Variants in AGRN observed in about 807,000 individuals in gnomAD.
AGRN encodes the protein agrin.
In AGRN, 106 loss-of-function variants were observed where a neutral mutation model predicts 211.0. The observed-to-expected ratio is 0.50, with a 90% CI of 0.43 to 0.59. The LOEUF (loss-of-function observed/expected upper bound fraction) is 0.59. Ranked by LOEUF, AGRN falls within the 20% of genes least tolerant of loss-of-function variation. The probability of loss-of-function intolerance (pLI) is 0.00; values close to 1 mark genes in which losing one functional copy is unlikely to be tolerated. For synonymous variants in AGRN, 1,525 were observed against 1,332.5 expected (o/e 1.14, Z -3.15); for missense variants, 3,040 against 2,982.6 (o/e 1.02, Z -0.45).
At chr1:1,040,948 A>T (rs1570191444) in intron 4 of AGRN, 68 bp downstream of exon 4, 1 of 715,548 alleles carries the variant, frequency 1.4e-6, no homozygotes, top group Non-Finnish European at 1.8e-6. Flanking sequence ...CGAGGCTGGG[A>T]GGGGCTTCGG....
chr1:1,038,520 C>T (rs562828713), intron 3 of AGRN, among the ~76,000 whole-genome samples: 5 of 152,250 alleles, frequency 3.3e-5, no homozygotes, highest in South Asian at 4.1e-4. Flanking sequence ...AGCAGGACCT[C>T]GGGCTGGACT....
At chr1:1,030,532 C>CAT (rs1644641984) in intron 2 of AGRN, among the ~76,000 whole-genome samples, 1 of 96,368 alleles carries the variant, frequency 1.0e-5, no homozygotes, top group Non-Finnish European at 2.1e-5. Context: ...GTGAGATCAG[C>CAT]GTGTGTGTGT....
chr1:1,049,764 G>T lies in AGRN; in HGVS notation c.4713G>T (p.Arg1571Ser), dbSNP rs752191523. 1.0e-5 allele frequency: 16 copies of T among 1,585,284 alleles called. No homozygotes were observed. Among genetic ancestry groups the T allele is most frequent in the African/African-American group, 2.7e-5 (2 of 74,128 alleles). The change falls in exon 26 of 36, where the codon AGG becomes AGT. Residue 1571 changes from arginine (R) to serine (S), a missense_variant. Arg to Ser is a moderately radical substitution (Grantham distance 110). Coordinates refer to ENST00000379370, the MANE Select transcript of AGRN (RefSeq NM_198576.4). Reference sequence around the variant, plus strand: ...CATGCCAGAACCTGGAGGCTGGAAGGTTCCATTGCCAGTGCCCGCCCGGCC... The same window carrying T: ...CATGCCAGAACCTGGAGGCTGGAAGTTTCCATTGCCAGTGCCCGCCCGGCC... ...GAPCQNLEAG[R>S]FHCQCPPGRV...
intron 14 of AGRN, 56 bp downstream of exon 14, chr1:1,045,579 C>A (rs1035148211): frequency 1.3e-5 from 21 of 1,606,196 alleles, no homozygotes; most frequent in Non-Finnish European, 1.7e-5. Flanking sequence ...CTGTTCACCC[C>A]CATCACTGTG....
In AGRN at chr1:1,052,040, G is replaced by A. The variant is rs545759663; in HGVS notation, c.5651+225G>A. 5.4e-5 allele frequency: 81 copies of A among 1,504,276 alleles called. No homozygotes were observed. The East Asian group carries it at 6.5e-4, about 12-fold the overall frequency. 93.2% of individuals were successfully genotyped at this position (1,504,276 alleles called of 1,614,324 possible). On this transcript the variant is annotated intron_variant, in intron 33 of 35. Transcript: ENST00000379370. The stretch of plus-strand genomic sequence containing the variant: ...GTGTGAGTAGAGCTCGGCGCCCCCC[G>A]CTCCCTCTCACTCCCACTCCTCCAT...
chr1:1,037,774 T>TTG (rs1318099090), intron 3 of AGRN, among the ~76,000 whole-genome samples: 1 of 152,160 alleles, frequency 6.6e-6, no homozygotes, highest in Non-Finnish European at 1.5e-5. Context: ...GTGCTGGCAT[T>TTG]TCTAGCAGTG....
intron 19 of AGRN, 96 bp downstream of exon 19, chr1:1,047,053 A>T: frequency 6.5e-7 from 1 of 1,529,342 alleles, no homozygotes; most frequent in South Asian, 1.2e-5. Context: ...GCCGGGGGTT[A>T]TGGTCTTGGG....
At chr1:1,053,020 T>C (rs997749417) in intron 33 of AGRN, 2 of 195,040 alleles carry the variant, frequency 1.0e-5, no homozygotes, top group Non-Finnish European at 2.1e-5. Context: ...CACGTGTGTA[T>C]GTGTGTGAAC....
In AGRN at chr1:1,045,738, A is replaced by G. The variant is rs1645072442; in HGVS notation, c.2542A>G (p.Ser848Gly). 1 of 1,613,330 alleles carries G rather than the reference A, an allele frequency of 6.2e-7. No homozygotes were observed. Among genetic ancestry groups the G allele is most frequent in the African/African-American group, 1.3e-5 (1 of 75,024 alleles). The part of the protein sequence containing the change: ...TDGRSGCTPC[S>G]CDPQGAVRDD... Reference sequence around the variant, plus strand: ...CTCCCCGATTTTCCCCAAAGCCTGCAGCTGTGATCCCCAAGGCGCCGTGCG... The same window carrying G: ...CTCCCCGATTTTCCCCAAAGCCTGCGGCTGTGATCCCCAAGGCGCCGTGCG... The change falls in exon 15 of 36, where the codon AGC (serine) becomes GGC (glycine). Residue 848 changes from serine (S) to glycine (G), a missense_variant. Physicochemically the swap from Ser to Gly is moderately conservative, Grantham distance 56. Around this residue, in one of 3 missense-constraint regions of AGRN, gnomAD observed 1,498 missense variants for 1,457.8 expected, o/e 1.03. Transcript: ENST00000379370.
intron 2 of AGRN, chr1:1,035,053 G>C: frequency 1.6e-6 from 1 of 634,412 alleles, no homozygotes; most frequent in Non-Finnish European, 2.8e-6. Context: ...CAGGGGTCAG[G>C]CCATGACTAT....
intron 2 of AGRN, among the ~76,000 whole-genome samples, chr1:1,027,615 A>T (rs1159034674): frequency 1.3e-5 from 2 of 152,186 alleles, no homozygotes; most frequent in African/African-American, 4.8e-5. Flanking sequence ...AAGGTTTGAG[A>T]TGAAGGCATG....
rs1458193632 is a variant in AGRN at position 1,035,265 on chromosome 1, G to A, written c.464-12G>A. The A allele has an allele frequency of 6.2e-7, 1 of 1,612,856 alleles. No individual in the cohort carries two copies. Among genetic ancestry groups the A allele is most frequent in the South Asian group, 1.1e-5 (1 of 91,082 alleles). On this transcript the variant is annotated splice_polypyrimidine_tract_variant and intron_variant, in intron 2 of 35. Transcript: ENST00000379370. The stretch of plus-strand genomic sequence containing the variant: ...TCAGAGGAGCCTAACTTGGGGATTT[G>A]TTTTCTTCCAGATAAACCCGGGACC...
intron 3 of AGRN, among the ~76,000 whole-genome samples, chr1:1,037,575 G>A (rs889677710): frequency 2.6e-5 from 4 of 152,260 alleles, no homozygotes; most frequent in Non-Finnish European, 4.4e-5. Context: ...GTCACGCTGC[G>A]GGAGAGTGGG....
chr1:1,033,932 C>T lies in AGRN; in HGVS notation c.464-1345C>T, dbSNP rs945109858. Among the ~76,000 whole-genome samples, 9 of 151,800 alleles carry T rather than the reference C, an allele frequency of 5.9e-5. No individual in the cohort carries two copies. In the East Asian group the frequency reaches 1.4e-3, roughly 23 times the overall value. Reference sequence around the variant, plus strand: ...TGGAACTCCCCGCGGACGCCGGGGTCCCTGGAGGCGGCTTCCTTTGTCTCT... The same window carrying T: ...TGGAACTCCCCGCGGACGCCGGGGTTCCTGGAGGCGGCTTCCTTTGTCTCT... On this transcript the variant is annotated intron_variant, in intron 2 of 35. Transcript: ENST00000379370.
chr1:1,047,562 C>G lies in AGRN; in HGVS notation c.3517-11C>G. 1 of 1,612,878 alleles carries G rather than the reference C, an allele frequency of 6.2e-7. No individual in the cohort carries two copies. Among genetic ancestry groups the G allele is most frequent in the Non-Finnish European group, 8.5e-7 (1 of 1,179,998 alleles). On this transcript the variant is annotated splice_polypyrimidine_tract_variant and intron_variant, in intron 20 of 35. Transcript: ENST00000379370. ...GCGGCCCCCCAAGTCCTTGCCTACT[C>G]CCTGCCACAGCTGGACGACCTCTTC...
chr1:1,041,108 GGGC>G lies in AGRN; in HGVS notation c.728-62_728-60del, dbSNP rs1333453966. The G allele has an allele frequency of 3.5e-3, 723 of 205,320 alleles. 31 individuals carry two copies. Among genetic ancestry groups the G allele is most frequent in the Non-Finnish European group, 4.7e-3 (629 of 133,708 alleles). The allele number at this position is 205,320 out of a possible 1,614,324, so 12.7% of individuals were successfully genotyped here. A position where few individuals can be genotyped will look rare whatever the true frequency, so the allele number is the denominator to read the frequency against. On this transcript the variant is annotated intron_variant, in intron 4 of 35. Coordinates refer to ENST00000379370, the MANE Select transcript of AGRN (RefSeq NM_198576.4). ...TGGGAGGGGCCTGGGGGGCGGAGCG[GGGC>G]GGGAGCGGGGCGGGAGCGGGGGCGG...
intron 33 of AGRN, chr1:1,053,419 C>A: frequency 7.2e-7 from 1 of 1,384,472 alleles, no homozygotes; most frequent in Non-Finnish European, 9.6e-7. Flanking sequence ...TTGGCCCCGC[C>A]TGTCCCCTGC....
intron 3 of AGRN, among the ~76,000 whole-genome samples, chr1:1,037,956 A>G (rs2488993): frequency 0.88 from 134,049 of 152,038 alleles, 59,625 homozygotes; most frequent in East Asian, 1. Context: ...AGGCCTGTGG[A>G]GACTCAGCAC....
At position 1,046,250 on chromosome 1, in the gene AGRN, C is replaced by G. The variant is rs768292074; in HGVS notation, c.2896C>G (p.Leu966Val). Reference sequence around the variant, plus strand: ...GGGCCTGCAAATCTCTATCCAGAGCCTGGGCCCGTGCCAGGGTGAGGCCTG... The same window carrying G: ...GGGCCTGCAAATCTCTATCCAGAGCGTGGGCCCGTGCCAGGGTGAGGCCTG... ...RQGLQISIQS[L>V]GPCQEAVAPS... Residue 966 changes from leucine (L) to valine (V), a missense_variant, in exon 17 of 36, where the codon CTG (leucine) becomes GTG (valine). Leu to Val is a conservative substitution (Grantham distance 32). This residue lies in a region of AGRN where 1,498 missense variants were observed against 1,457.8 expected (regional missense o/e 1.03). Transcript: ENST00000379370. 3.1e-6 allele frequency: 5 copies of G among 1,613,412 alleles called. No homozygotes were observed. The East Asian group carries it at 1.1e-4, about 36-fold the overall frequency.
Sources: gnomAD v4.1 joint callset for allele counts (sites outside exome capture counted in the v4.1 genomes callset) on GRCh38, gnomAD v4.1.1 for gene constraint, gnomAD v4.1.1 regional missense constraint, MANE v1.5 for transcripts, NCBI Gene and HGNC (gene_info 2026-07-23, HGNC 2026-07-21) for gene names.